The following SPIDR variants were observed in gnomAD, a reference collection of about 807,000 sequenced individuals.
The protein encoded by SPIDR is scaffold protein involved in DNA repair.
In SPIDR, 93 loss-of-function variants were observed where a neutral mutation model predicts 104.6. The observed-to-expected ratio is 0.89, with a 90% CI of 0.75 to 1.06. The LOEUF (loss-of-function observed/expected upper bound fraction) is 1.06, where lower values mean the gene tolerates loss of function less well. Ranked by LOEUF, SPIDR falls within the 50% of genes least tolerant of loss-of-function variation. The pLI, the probability that SPIDR is intolerant of heterozygous loss-of-function variation, is 0.00. For synonymous variants in SPIDR, 431 were observed against 416.9 expected, an observed-to-expected ratio of 1.03 and a Z score of -0.41; for missense variants, 1,154 against 1,111.2, an observed-to-expected ratio of 1.04 and a Z score of -0.55.
At chr8:47,330,379 A>T (rs1054411935) in intron 5 of SPIDR, among the ~76,000 whole-genome samples, 1 of 152,150 alleles carries the variant, frequency 6.6e-6, no homozygotes, top group African/African-American at 2.4e-5. Flanking sequence ...ACGCAAAGTC[A>T]CTAGTTTCTA....
intron 10 of SPIDR, among the ~76,000 whole-genome samples, chr8:47,602,196 C>T (rs1239091423): frequency 2.0e-5 from 3 of 152,168 alleles, no homozygotes; most frequent in African/African-American, 7.2e-5. Context: ...GCTTCCTGAT[C>T]ATAGATGACA....
intron 10 of SPIDR, among the ~76,000 whole-genome samples, chr8:47,637,053 G>A (rs527594435): frequency 6.6e-5 from 10 of 152,102 alleles, no homozygotes; most frequent in Non-Finnish European, 1.2e-4. Context: ...TCTACTTTTG[G>A]AAAGCACATA....
intron 10 of SPIDR, among the ~76,000 whole-genome samples, chr8:47,666,204 A>T (rs1367268036): frequency 6.6e-6 from 1 of 152,250 alleles, no homozygotes; most frequent in Non-Finnish European, 1.5e-5. Flanking sequence ...ATTAAATAAA[A>T]TTAAAAATGT....
rs564490577 is a variant in SPIDR at position 47,498,400 on chromosome 8, C to A, written c.1097+57858C>A. Among the ~76,000 whole-genome samples, 7 of 152,216 alleles carry A rather than the reference C, an allele frequency of 4.6e-5. No individual in the cohort carries two copies. In the East Asian group the frequency reaches 1.2e-3, roughly 25 times the overall value. On this transcript the variant is annotated intron_variant, in intron 8 of 19. Coordinates refer to ENST00000297423, the MANE Select transcript of SPIDR (RefSeq NM_001080394.4). The stretch of plus-strand genomic sequence containing the variant: ...TTATGATCTAACACACTGTAATAAT[C>A]AAATCACCATTTTTAAAAGCAACCC...
chr8:47,287,139 G>A (rs1211934120), intron 3 of SPIDR, among the ~76,000 whole-genome samples: 2 of 152,136 alleles, frequency 1.3e-5, no homozygotes, highest in Non-Finnish European at 2.9e-5. Context: ...GACTTCAAAA[G>A]GGGAGGGGGT....
chr8:47,412,607 A>G (rs1588374675), intron 7 of SPIDR, among the ~76,000 whole-genome samples: 1 of 152,208 alleles, frequency 6.6e-6, no homozygotes, highest in African/African-American at 2.4e-5. Flanking sequence ...GTAACACACT[A>G]CCATCCATAT....
At chr8:47,284,894 G>T (rs1202974786) in intron 3 of SPIDR, among the ~76,000 whole-genome samples, 1 of 152,240 alleles carries the variant, frequency 6.6e-6, no homozygotes, top group African/African-American at 2.4e-5. Context: ...TGAAGAAGGG[G>T]TGGATATCAG....
At chr8:47,289,480 G>T (rs1229452444) in intron 3 of SPIDR, among the ~76,000 whole-genome samples, 1 of 151,950 alleles carries the variant, frequency 6.6e-6, no homozygotes, top group Non-Finnish European at 1.5e-5. Flanking sequence ...TTTTTATTAG[G>T]TATATATTCC....
At chr8:47,451,752 T>C (rs1030215886) in intron 8 of SPIDR, among the ~76,000 whole-genome samples, 1 of 151,942 alleles carries the variant, frequency 6.6e-6, no homozygotes, top group African/African-American at 2.4e-5. Flanking sequence ...CTATCAAATG[T>C]AGAACCCTGT....
At chr8:47,601,758 A>G (rs907461782) in intron 10 of SPIDR, among the ~76,000 whole-genome samples, 6 of 152,184 alleles carry the variant, frequency 3.9e-5, no homozygotes, top group Admixed American at 2.0e-4. Context: ...CCCAGGGTCA[A>G]GTTGTCCAGG....
chr8:47,693,986 T>C (rs1489165245), intron 11 of SPIDR, among the ~76,000 whole-genome samples: 1 of 152,146 alleles, frequency 6.6e-6, no homozygotes, highest in Non-Finnish European at 1.5e-5. Context: ...CATGAAGAGC[T>C]CCTTTCCGGT....
chr8:47,360,621 G>C (rs1171398371), intron 5 of SPIDR, among the ~76,000 whole-genome samples: 2 of 152,206 alleles, frequency 1.3e-5, no homozygotes, highest in African/African-American at 4.8e-5. Context: ...AGCTACGTGT[G>C]CCTTGAAAGG....
intron 9 of SPIDR, 72 bp from the exon 10 acceptor site, chr8:47,598,874 C>T (rs1431077190): frequency 3.8e-6 from 6 of 1,580,278 alleles, no homozygotes; most frequent in African/African-American, 2.7e-5. Context: ...TGGTGTGCAG[C>T]ATGTTGCTTG....
At chr8:47,512,793 G>A (rs1045721277) in intron 8 of SPIDR, among the ~76,000 whole-genome samples, 5 of 152,164 alleles carry the variant, frequency 3.3e-5, no homozygotes, top group African/African-American at 1.2e-4. Context: ...CTTTTATTCT[G>A]AGCCAAAATT....
At chr8:47,630,557 T>C (rs1460617749) in intron 10 of SPIDR, among the ~76,000 whole-genome samples, 1 of 152,210 alleles carries the variant, frequency 6.6e-6, no homozygotes, top group Non-Finnish European at 1.5e-5. Flanking sequence ...TAAATACTAC[T>C]GTTTACTGTC....
chr8:47,512,628 G>A (rs2082522664), intron 8 of SPIDR, among the ~76,000 whole-genome samples: 1 of 152,164 alleles, frequency 6.6e-6, no homozygotes, highest in Non-Finnish European at 1.5e-5. Flanking sequence ...GGAATGTGGC[G>A]CTGACGTCAC....
At chr8:47,643,875 T>C (rs1381007770) in intron 10 of SPIDR, among the ~76,000 whole-genome samples, 5 of 152,230 alleles carry the variant, frequency 3.3e-5, no homozygotes. Context: ...CTGTAGAATA[T>C]TACTAGAGAT....
chr8:47,349,709 C>T (rs781992825), intron 5 of SPIDR, among the ~76,000 whole-genome samples: 7 of 152,248 alleles, frequency 4.6e-5, no homozygotes, highest in Non-Finnish European at 8.8e-5. Context: ...GCTGCCACCT[C>T]GCAGTTCTAT....
intron 3 of SPIDR, among the ~76,000 whole-genome samples, chr8:47,288,138 G>T (rs1043690249): frequency 8.6e-4 from 131 of 152,132 alleles, no homozygotes; most frequent in African/African-American, 2.5e-3. Context: ...TATTTTATTG[G>T]TTTTTGCTAC....
Sources: allele counts gnomAD v4.1 joint callset (sites outside exome capture counted in the v4.1 genomes callset), GRCh38; gene constraint gnomAD v4.1.1; transcripts MANE v1.5; gene names NCBI Gene and HGNC (gene_info 2026-07-23, HGNC 2026-07-21).